Variants in SGCZ observed in about 807,000 individuals in gnomAD.
SGCZ encodes the protein zeta-sarcoglycan.
In SGCZ, 40 loss-of-function variants were observed where a neutral mutation model predicts 41.3. The ratio of observed to expected loss-of-function variants is 0.97; its 90% CI spans 0.75 to 1.26. The LOEUF is 1.26. Ranked by LOEUF, SGCZ falls within the 50% of genes most tolerant of loss-of-function variation. SGCZ has a pLI of 0.00. For missense variants in SGCZ, 552 were observed against 369.8 expected (o/e 1.49, Z -4.04); for synonymous variants, 206 against 137.5 (o/e 1.50, Z -3.49).
chr8:14,118,936 C>G (rs573356527), intron 5 of SGCZ, among the ~76,000 whole-genome samples: 5 of 152,260 alleles, frequency 3.3e-5, no homozygotes, highest in Admixed American at 2.0e-4. Flanking sequence ...TGTTTTGGCA[C>G]CAGTACCATG....
intron 2 of SGCZ, among the ~76,000 whole-genome samples, chr8:14,379,500 C>A: frequency 6.6e-6 from 1 of 152,146 alleles, no homozygotes; most frequent in East Asian, 1.9e-4. Context: ...GACATAGCCC[C>A]TGCTCCCAAG....
intron 2 of SGCZ, among the ~76,000 whole-genome samples, chr8:14,364,765 G>C (rs976414418): frequency 6.6e-6 from 1 of 151,938 alleles, no homozygotes; most frequent in Non-Finnish European, 1.5e-5. Flanking sequence ...ATTATCATTT[G>C]CTCATTTTGA....
chr8:14,475,078 A>T (rs1299018145), intron 2 of SGCZ, among the ~76,000 whole-genome samples: 1 of 152,154 alleles, frequency 6.6e-6, no homozygotes, highest in Middle Eastern at 3.2e-3. Context: ...AAGGAAGTGG[A>T]ATATTTCAAA....
At chr8:14,329,173 G>A (rs569760675) in intron 2 of SGCZ, among the ~76,000 whole-genome samples, 4 of 152,168 alleles carry the variant, frequency 2.6e-5, no homozygotes, top group Admixed American at 2.6e-4. Context: ...TGTCATTTTA[G>A]AAGGGGATAT....
intron 5 of SGCZ, among the ~76,000 whole-genome samples, chr8:14,114,532 C>T (rs1195811773): frequency 1.3e-5 from 2 of 151,906 alleles, no homozygotes; most frequent in African/African-American, 4.8e-5. Flanking sequence ...TTTCATTTGG[C>T]ATTTTTTTCA....
At chr8:15,099,574 T>A (rs1806522451) in intron 1 of SGCZ, among the ~76,000 whole-genome samples, 1 of 152,076 alleles carries the variant, frequency 6.6e-6, no homozygotes, top group African/African-American at 2.4e-5. Context: ...CTGCAAAAAA[T>A]AATTGAAGAG....
intron 4 of SGCZ, among the ~76,000 whole-genome samples, chr8:14,202,324 G>T (rs1347337462): frequency 6.6e-6 from 1 of 152,142 alleles, no homozygotes; most frequent in African/African-American, 2.4e-5. Flanking sequence ...GTGGAACACA[G>T]TCCTGCTGAC....
chr8:14,342,140 A>G (rs553101736), intron 2 of SGCZ, among the ~76,000 whole-genome samples: 2 of 152,162 alleles, frequency 1.3e-5, no homozygotes, highest in African/African-American at 4.8e-5. Context: ...GATATGAACA[A>G]TAAGTTCCAG....
intron 1 of SGCZ, among the ~76,000 whole-genome samples, chr8:14,953,850 T>C (rs1800718441): frequency 6.6e-6 from 1 of 152,216 alleles, no homozygotes; most frequent in Non-Finnish European, 1.5e-5. Flanking sequence ...TTCAGTTCTA[T>C]AATTCTTGTA....
rs1305129046 is a variant in SGCZ, at chr8:14,087,173, CAATAA to C, written c.*3265_*3269del. Among the ~76,000 whole-genome samples the C allele has an allele frequency of 2.0e-5, 3 of 151,342 alleles. No individual in the cohort carries two copies. Among genetic ancestry groups the C allele is most frequent in the Non-Finnish European group, 4.4e-5 (3 of 67,650 alleles). On this transcript the variant is annotated 3_prime_UTR_variant, in exon 8 of 8. Transcript: ENST00000382080. ...GCCAAATTATAAAACATATCATTCACAATAAAATATATATATTTTAGACATAAATG... is the reference window on the plus strand; with the variant it reads ...GCCAAATTATAAAACATATCATTCACAATATATATATTTTAGACATAAATG...
chr8:14,457,325 G>A (rs1209419979), intron 2 of SGCZ, among the ~76,000 whole-genome samples: 1 of 152,222 alleles, frequency 6.6e-6, no homozygotes, highest in African/African-American at 2.4e-5. Context: ...CCTTGGTCTA[G>A]CGGTGACGCC....
chr8:14,163,799 A>G (rs1804122387), intron 5 of SGCZ, among the ~76,000 whole-genome samples: 1 of 152,188 alleles, frequency 6.6e-6, no homozygotes, highest in Non-Finnish European at 1.5e-5. Context: ...ATGGATAGAT[A>G]CGCATGAGCT....
intron 2 of SGCZ, among the ~76,000 whole-genome samples, chr8:14,401,949 G>T (rs1282340247): frequency 6.6e-6 from 1 of 151,456 alleles, no homozygotes; most frequent in Non-Finnish European, 1.5e-5. Flanking sequence ...TCCAGCACCT[G>T]TTGTTTCCTG....
chr8:14,405,676 C>A (rs1037748866), intron 2 of SGCZ, among the ~76,000 whole-genome samples: 3 of 152,010 alleles, frequency 2.0e-5, no homozygotes, highest in Non-Finnish European at 2.9e-5. Context: ...GTTTTGTGAC[C>A]ATATCAAAGC....
intron 1 of SGCZ, among the ~76,000 whole-genome samples, chr8:14,837,540 T>C (rs1802741459): frequency 6.6e-6 from 1 of 152,158 alleles, no homozygotes; most frequent in Non-Finnish European, 1.5e-5. Flanking sequence ...CAAGTTTCTA[T>C]ATGTACAATG....
At chr8:15,135,603 C>T (rs1458205043) in intron 1 of SGCZ, among the ~76,000 whole-genome samples, 2 of 152,136 alleles carry the variant, frequency 1.3e-5, no homozygotes, top group Non-Finnish European at 2.9e-5. Flanking sequence ...AAGCAGTGGA[C>T]TTCTACAAAT....
chr8:14,291,871 T>G (rs1249112013), intron 3 of SGCZ, among the ~76,000 whole-genome samples: 1 of 151,950 alleles, frequency 6.6e-6, no homozygotes, highest in African/African-American at 2.4e-5. Flanking sequence ...TTCTTCCACT[T>G]ACCAAAAACA....
At chr8:14,260,389 AC>A (rs1429499521) in intron 3 of SGCZ, among the ~76,000 whole-genome samples, 2 of 145,800 alleles carry the variant, frequency 1.4e-5, no homozygotes, top group African/African-American at 2.5e-5. Flanking sequence ...AATCAAAACC[AC>A]AATGAGATAC....
chr8:14,205,419 T>C (rs1388507858), intron 4 of SGCZ, among the ~76,000 whole-genome samples: 1 of 152,204 alleles, frequency 6.6e-6, no homozygotes, highest in Non-Finnish European at 1.5e-5. Context: ...ATTCTGCTTT[T>C]TAATGCAGAG....
Sources: gnomAD v4.1 joint callset for allele counts (sites outside exome capture counted in the v4.1 genomes callset) on GRCh38, gnomAD v4.1.1 for gene constraint, MANE v1.5 for transcripts, NCBI Gene and HGNC (gene_info 2026-07-23, HGNC 2026-07-21) for gene names.